PKP4: variants seen among roughly 807,000 people sequenced by gnomAD.
PKP4 encodes the protein plakophilin 4.
A neutral mutation model predicts 145.1 loss-of-function variants in PKP4; 90 were observed. The ratio of observed to expected loss-of-function variants is 0.62; its 90% CI spans 0.52 to 0.74. PKP4 has a LOEUF of 0.74. Ranked by LOEUF, PKP4 falls within the 30% of genes least tolerant of loss-of-function variation. The pLI is 0.00. For missense variants in PKP4, 1,340 were observed against 1,482.7 expected (o/e 0.90, Z 1.58); for synonymous variants, 563 against 577.2 (o/e 0.98, Z 0.35).
intron 9 of PKP4, among the ~76,000 whole-genome samples, chr2:158,637,406 T>C (rs2053896269): frequency 6.6e-6 from 1 of 152,104 alleles, no homozygotes; most frequent in Non-Finnish European, 1.5e-5. Context: ...GCCCTACAGC[T>C]CAGGGTACAA....
At chr2:158,484,087 T>C (rs1471499267) in intron 1 of PKP4, among the ~76,000 whole-genome samples, 2 of 148,856 alleles carry the variant, frequency 1.3e-5, no homozygotes, top group African/African-American at 2.5e-5. Context: ...CAGGCCGGAC[T>C]GCGGACTGCA....
intron 1 of PKP4, among the ~76,000 whole-genome samples, chr2:158,491,415 T>A (rs1354177591): frequency 6.6e-6 from 1 of 152,166 alleles, no homozygotes; most frequent in Non-Finnish European, 1.5e-5. Flanking sequence ...CAGGTGTAAA[T>A]CAACTCATTT....
At chr2:158,489,229 T>C (rs913984552) in intron 1 of PKP4, among the ~76,000 whole-genome samples, 3 of 152,218 alleles carry the variant, frequency 2.0e-5, no homozygotes, top group Non-Finnish European at 4.4e-5. Context: ...TGATATTATT[T>C]CTCTGGGTGT....
chr2:158,507,785 G>A (rs1169993930), intron 1 of PKP4, among the ~76,000 whole-genome samples: 2 of 152,060 alleles, frequency 1.3e-5, no homozygotes, highest in African/African-American at 4.8e-5. Flanking sequence ...GTGTGGGGGG[G>A]TCTCCGGGTC....
chr2:158,523,691 G>A (rs962748180), intron 1 of PKP4, among the ~76,000 whole-genome samples: 126 of 133,080 alleles, frequency 9.5e-4, no homozygotes, highest in African/African-American at 3.2e-3. Flanking sequence ...TCTGAGCTAC[G>A]GGAGGACATT....
chr2:158,633,167 C>T (rs951389223), intron 8 of PKP4, among the ~76,000 whole-genome samples: 1 of 152,210 alleles, frequency 6.6e-6, no homozygotes, highest in Admixed American at 6.5e-5. Flanking sequence ...ATGGAGAATA[C>T]GTTCCAAAAC....
intron 1 of PKP4, among the ~76,000 whole-genome samples, chr2:158,483,585 CT>C (rs1478636148): frequency 2.6e-5 from 4 of 151,854 alleles, no homozygotes; most frequent in Non-Finnish European, 5.9e-5. Context: ...AAGCAGGTAG[CT>C]TTTTGTGTAT....
chr2:158,496,807 ACT>A (rs1695809603), intron 1 of PKP4, among the ~76,000 whole-genome samples: 1 of 107,162 alleles, frequency 9.3e-6, no homozygotes, highest in South Asian at 2.7e-4. Flanking sequence ...TGTGTGTCTC[ACT>A]CTCTCTGTCT....
At chr2:158,557,231 T>G (rs565939537) in intron 2 of PKP4, among the ~76,000 whole-genome samples, 1 of 152,302 alleles carries the variant, frequency 6.6e-6, no homozygotes, top group Admixed American at 6.5e-5. Context: ...ACTATGTGGC[T>G]CATTGTATGC....
In PKP4 at chr2:158,512,907, G is replaced by T. The variant is rs191989239; in HGVS notation, c.-5-20273G>T. Among the ~76,000 whole-genome samples, 247 of 152,252 alleles carry T rather than the reference G, an allele frequency of 1.6e-3. 1 individual carries two copies. The highest frequency in any genetic ancestry group is 2.7e-3 in the Non-Finnish European group (183 of 68,024). On this transcript the variant is annotated intron_variant, in intron 1 of 21. Transcript: ENST00000389759. ...TGCCAAGTACACTTCTCCTTTCTAGGATCAGGTGACTGTTGCCATTGTGAA... is the reference window on the plus strand; with the variant it reads ...TGCCAAGTACACTTCTCCTTTCTAGTATCAGGTGACTGTTGCCATTGTGAA...
intron 1 of PKP4, chr2:158,457,699 A>T (rs891641713): frequency 6.6e-6 from 1 of 152,640 alleles, no homozygotes; most frequent in Non-Finnish European, 1.5e-5. Context: ...CTAGCCCCAG[A>T]TCCTGCACCT....
chr2:158,478,770 A>G (rs751137821), intron 1 of PKP4, among the ~76,000 whole-genome samples: 1 of 152,266 alleles, frequency 6.6e-6, no homozygotes, highest in African/African-American at 2.4e-5. Flanking sequence ...TAAATATGGG[A>G]CAGTACAGAG....
chr2:158,522,701 G>A (rs1287203269), intron 1 of PKP4, among the ~76,000 whole-genome samples: 1 of 152,234 alleles, frequency 6.6e-6, no homozygotes, highest in East Asian at 1.9e-4. Context: ...GGTGATTTCT[G>A]CATTTCCATC....
chr2:158,581,061 T>C (rs978650706), intron 3 of PKP4, among the ~76,000 whole-genome samples: 7 of 152,146 alleles, frequency 4.6e-5, no homozygotes, highest in African/African-American at 1.4e-4. Context: ...TAAAGGTGCT[T>C]TGCCATTAGG....
intron 11 of PKP4, among the ~76,000 whole-genome samples, chr2:158,656,682 A>G (rs1449281786): frequency 2.6e-5 from 4 of 152,180 alleles, no homozygotes; most frequent in Non-Finnish European, 5.9e-5. Flanking sequence ...CCAGAGCACA[A>G]GCATCAGGTT....
chr2:158,529,725 T>A (rs988715367), intron 1 of PKP4, among the ~76,000 whole-genome samples: 5 of 152,232 alleles, frequency 3.3e-5, no homozygotes, highest in African/African-American at 1.2e-4. Flanking sequence ...TGCCTACATT[T>A]CTTTCCCAAT....
intron 2 of PKP4, among the ~76,000 whole-genome samples, chr2:158,571,303 G>A (rs2047391164): frequency 6.6e-6 from 1 of 152,188 alleles, no homozygotes. Context: ...TTACTGATAA[G>A]GAAGAAAAGG....
At chr2:158,610,725 G>GA (rs940038097) in intron 4 of PKP4, among the ~76,000 whole-genome samples, 4 of 151,350 alleles carry the variant, frequency 2.6e-5, no homozygotes, top group Non-Finnish European at 4.4e-5. Flanking sequence ...CTGTTTGCGA[G>GA]AAAAAAAAAT....
At chr2:158,549,779 C>A (rs1399652380) in intron 2 of PKP4, among the ~76,000 whole-genome samples, 2 of 152,092 alleles carry the variant, frequency 1.3e-5, no homozygotes, top group Non-Finnish European at 2.9e-5. Flanking sequence ...AAAAAGTTTT[C>A]TTGATTTAAT....
Sources: allele counts gnomAD v4.1 joint callset (sites outside exome capture counted in the v4.1 genomes callset), GRCh38; gene constraint gnomAD v4.1.1; transcripts MANE v1.5; gene names NCBI Gene and HGNC (gene_info 2026-07-23, HGNC 2026-07-21).